CDYL2: variants seen among roughly 807,000 people sequenced by gnomAD.
The protein encoded by CDYL2 is chromodomain Y like 2, also known as chromodomain Y-like protein 2.
Under a neutral mutation model 49.4 loss-of-function variants are expected in CDYL2, and 23 were observed. The observed-to-expected ratio is 0.47, with a 90% CI of 0.34 to 0.66. The LOEUF is 0.66. CDYL2 is among the 30% of genes least tolerant of loss of function. CDYL2 has a pLI of 0.01. For missense variants in CDYL2, 678 were observed against 656.4 expected, an observed-to-expected ratio of 1.03 and a Z score of -0.36; for synonymous variants, 360 against 268.8, an observed-to-expected ratio of 1.34 and a Z score of -3.32.
At chr16:80,680,622 A>G (rs1270969881) in intron 2 of CDYL2, among the ~76,000 whole-genome samples, 1 of 152,202 alleles carries the variant, frequency 6.6e-6, no homozygotes, top group African/African-American at 2.4e-5. Flanking sequence ...AAAGAGAGAG[A>G]TGCCTAGTAG....
chr16:80,722,996 G>A (rs758341589), intron 1 of CDYL2, among the ~76,000 whole-genome samples: 68 of 152,228 alleles, frequency 4.5e-4, no homozygotes, highest in Non-Finnish European at 9.0e-4. Flanking sequence ...AGAAGACATA[G>A]AGGGGCCATG....
intron 6 of CDYL2, among the ~76,000 whole-genome samples, chr16:80,605,438 A>G (rs1055021930): frequency 8.7e-5 from 13 of 148,592 alleles, no homozygotes; most frequent in African/African-American, 3.2e-4. Flanking sequence ...TATTAATCCC[A>G]CAGTGTTACT....
In CDYL2 at chr16:80,767,977, T is replaced by TA. The variant is rs530607463; in HGVS notation, c.24+36172dup. Among the ~76,000 whole-genome samples, 10 of 152,292 alleles carry TA rather than the reference T, an allele frequency of 6.6e-5. No homozygotes were observed. The East Asian group carries it at 1.9e-3, about 29-fold the overall frequency. On this transcript the variant is annotated intron_variant, in intron 1 of 6. Coordinates refer to ENST00000570137, the MANE Select transcript of CDYL2 (RefSeq NM_152342.4). ...CAGGGCTGTATGAATACTGAGCTCT[T>TA]AAAATGAATTAACCCATGTAGTCTT...
intron 1 of CDYL2, among the ~76,000 whole-genome samples, chr16:80,772,684 C>G (rs1459810159): frequency 6.6e-6 from 1 of 152,148 alleles, no homozygotes; most frequent in Non-Finnish European, 1.5e-5. Context: ...ATCTCCTGAC[C>G]TCATGATCCA....
At chr16:80,800,616 G>C (rs181647807) in intron 1 of CDYL2, among the ~76,000 whole-genome samples, 85 of 152,016 alleles carry the variant, frequency 5.6e-4, no homozygotes, top group South Asian at 1.9e-3. Context: ...TACAGAGAGA[G>C]AACTGAGCCA....
intron 2 of CDYL2, among the ~76,000 whole-genome samples, chr16:80,653,706 T>G (rs1306086767): frequency 6.6e-6 from 1 of 152,214 alleles, no homozygotes; most frequent in African/African-American, 2.4e-5. Context: ...ACAATCTAGT[T>G]ACACTCTTTA....
intron 3 of CDYL2, among the ~76,000 whole-genome samples, chr16:80,631,288 T>C (rs1367110726): frequency 6.6e-6 from 1 of 152,192 alleles, no homozygotes; most frequent in Non-Finnish European, 1.5e-5. Context: ...AAAGAGCCCC[T>C]GTTCAGTGGC....
At chr16:80,662,867 C>T (rs962203071) in intron 2 of CDYL2, 4 of 432,324 alleles carry the variant, frequency 9.3e-6, no homozygotes, top group African/African-American at 8.2e-5. Context: ...TCCTCACCAC[C>T]AGATGGATTC....
chr16:80,638,681 G>C (rs13330445), intron 2 of CDYL2, among the ~76,000 whole-genome samples: 4 of 151,950 alleles, frequency 2.6e-5, no homozygotes, highest in Non-Finnish European at 5.9e-5. Flanking sequence ...GCAATATACC[G>C]AGGTGATCTT....
At chr16:80,669,432 T>G (rs1597160648) in intron 2 of CDYL2, among the ~76,000 whole-genome samples, 1 of 151,720 alleles carries the variant, frequency 6.6e-6, no homozygotes, top group Non-Finnish European at 1.5e-5. Flanking sequence ...CCTTTAGATG[T>G]CCCCCCTCCA....
chr16:80,666,227 G>A (rs761178144), intron 2 of CDYL2, among the ~76,000 whole-genome samples: 1 of 152,146 alleles, frequency 6.6e-6, no homozygotes, highest in East Asian at 1.9e-4. Flanking sequence ...CTACCTGCCT[G>A]CTCTTATCAG....
At chr16:80,710,163 G>A (rs575616535) in intron 1 of CDYL2, among the ~76,000 whole-genome samples, 26 of 152,146 alleles carry the variant, frequency 1.7e-4, no homozygotes, top group African/African-American at 6.0e-4. Flanking sequence ...TCCTGACCTC[G>A]TGATCCTCCC....
chr16:80,749,258 G>A (rs1354526955), intron 1 of CDYL2, among the ~76,000 whole-genome samples: 1 of 152,092 alleles, frequency 6.6e-6, no homozygotes, highest in Admixed American at 6.5e-5. Context: ...GTCTTATTTA[G>A]GGCAGTTAAT....
At chr16:80,779,846 C>T (rs1407616190) in intron 1 of CDYL2, among the ~76,000 whole-genome samples, 4 of 152,076 alleles carry the variant, frequency 2.6e-5, no homozygotes, top group African/African-American at 7.2e-5. Context: ...GTGAACACTG[C>T]TAAATTAACA....
chr16:80,660,259 G>A (rs1290862309), intron 2 of CDYL2, among the ~76,000 whole-genome samples: 1 of 152,042 alleles, frequency 6.6e-6, no homozygotes, highest in Non-Finnish European at 1.5e-5. Context: ...TTTAGTAAAT[G>A]TAATTACTGG....
At position 80,601,846 on chromosome 16, in the gene CDYL2, T is replaced by C. The variant is rs1039002465; in HGVS notation, c.*2542A>G. Reference sequence around the variant, plus strand: ...AACAGCAAGATTTCCACCTTAGAAATGGTTTCACATTCCTACCTTAATCTT... The same window carrying C: ...AACAGCAAGATTTCCACCTTAGAAACGGTTTCACATTCCTACCTTAATCTT... On this transcript the variant is annotated 3_prime_UTR_variant, in exon 7 of 7. Transcript: ENST00000570137. 5 of 152,198 alleles carry C rather than the reference T, an allele frequency of 3.3e-5. No individual in the cohort carries two copies. The highest frequency in any genetic ancestry group is 3.3e-4 in the Admixed American group (5 of 15,280). 9.4% of individuals were successfully genotyped at this position (152,198 alleles called of 1,614,324 possible).
chr16:80,736,439 T>C (rs1236033887), intron 1 of CDYL2: 3 of 152,196 alleles, frequency 2.0e-5, no homozygotes, highest in Non-Finnish European at 4.4e-5. Context: ...ATGTGCAACA[T>C]GACAGTGAGC....
chr16:80,762,889 T>C (rs975119047), intron 1 of CDYL2, among the ~76,000 whole-genome samples: 1 of 152,196 alleles, frequency 6.6e-6, no homozygotes, highest in Non-Finnish European at 1.5e-5. Flanking sequence ...TCTGTGAGCT[T>C]CATTCAAGCA....
Position 80,804,170 on chromosome 16 carries a change from C to A in CDYL2, c.4G>T (p.Ala2Ser). ...CGTACCTCGTAAAGGTCCCCAGAAGCCATGCCAGGCTGCGGAACTTGGCTC... is the reference window on the plus strand; with the variant it reads ...CGTACCTCGTAAAGGTCCCCAGAAGACATGCCAGGCTGCGGAACTTGGCTC... M[A>S]SGDLYEVERI... The change falls in exon 1 of 7, where the codon GCT (alanine) becomes TCT (serine). Residue 2 changes from alanine to serine, a missense_variant. Transcript: ENST00000570137. The A allele has an allele frequency of 7.6e-7, 1 of 1,313,108 alleles. No individual in the cohort carries two copies. The highest frequency in any genetic ancestry group is 1.0e-6 in the Non-Finnish European group (1 of 1,001,392). The allele number at this position is 1,313,108 out of a possible 1,614,324, so 81.3% of individuals were successfully genotyped here.
Sources: allele counts gnomAD v4.1 joint callset (sites outside exome capture counted in the v4.1 genomes callset), GRCh38; gene constraint gnomAD v4.1.1; transcripts MANE v1.5; gene names NCBI Gene and HGNC (gene_info 2026-07-23, HGNC 2026-07-21).